The following SORL1 variants were observed in gnomAD, a reference collection of about 807,000 sequenced individuals.
The protein encoded by SORL1 is sortilin-related receptor.
Under a neutral mutation model 273.7 loss-of-function variants are expected in SORL1, and 127 were observed. The observed-to-expected ratio is 0.46, with a 90% CI of 0.40 to 0.54. The LOEUF is 0.54. Among genes scored for constraint, SORL1 ranks in the 20% least tolerant of loss-of-function variants. SORL1 has a pLI of 0.00. For synonymous variants in SORL1, 1,031 were observed against 1,067.4 expected (o/e 0.97, Z 0.66); for missense variants, 2,494 against 2,846.1 (o/e 0.88, Z 2.81).
intron 9 of SORL1, among the ~76,000 whole-genome samples, chr11:121,521,089 C>T (rs1029915653): frequency 1.7e-4 from 26 of 149,850 alleles, no homozygotes; most frequent in African/African-American, 5.4e-4. Context: ...AAGTAGTATT[C>T]GTTTTTAGTA....
chr11:121,571,220 G>A (rs913470966), intron 23 of SORL1, among the ~76,000 whole-genome samples: 35 of 152,244 alleles, frequency 2.3e-4, no homozygotes, highest in African/African-American at 7.5e-4. Flanking sequence ...AAGAGCTCTG[G>A]AGAGTGTCTG....
At position 121,566,811 on chromosome 11, in the gene SORL1, C is replaced by A; in HGVS notation, c.3050-129C>A. 2.3e-6 allele frequency: 2 copies of A among 863,954 alleles called. 1 individual carries two copies. The highest frequency in any genetic ancestry group is 7.1e-4 in the Middle Eastern group (2 of 2,798). The allele number at this position is 863,954 out of a possible 1,614,324, so 53.5% of individuals were successfully genotyped here. ...ACAGTAGGCGCCCCAAAGCTTGCCA[C>A]TTGACCCTTGAGAGCTTCTCGCTGT... On this transcript the variant is annotated intron_variant, in intron 21 of 47. Transcript: ENST00000260197.
At chr11:121,478,612 G>T (rs1349731803) in intron 3 of SORL1, among the ~76,000 whole-genome samples, 1 of 152,196 alleles carries the variant, frequency 6.6e-6, no homozygotes, top group Non-Finnish European at 1.5e-5. Context: ...CTATCAGTGT[G>T]TCTGCTTGCG....
In SORL1 at chr11:121,452,597, C is replaced by T; in HGVS notation, c.266C>T (p.Pro89Leu). The T allele has an allele frequency of 6.6e-7, 1 of 1,519,112 alleles. No homozygotes were observed. Among genetic ancestry groups the T allele is most frequent in the Non-Finnish European group, 8.8e-7 (1 of 1,141,128 alleles). The allele number at this position is 1,519,112 out of a possible 1,614,324, so 94.1% of individuals were successfully genotyped here. ...CGGAGCGCTGCCCTGCAGCCCGAGC[C>T]CATCAAGGTGTACGGACAGGTGAGC... ...RKRSAALQPE[P>L]IKVYGQVSLN... Residue 89 changes from proline (P) to leucine (L), a missense_variant, in exon 1 of 48, where the codon CCC (proline) becomes CTC (leucine). Physicochemically the swap from Pro to Leu is moderately conservative, Grantham distance 98. Around this residue, in one of 3 missense-constraint regions of SORL1, gnomAD observed 175 missense variants for 147.1 expected, o/e 1.19. Coordinates refer to ENST00000260197, the MANE Select transcript of SORL1 (RefSeq NM_003105.6). This position sits in a 1 kb window ranked among gnomAD's most constrained non-coding sequence, Gnocchi z 5.3.
chr11:121,591,049 C>G lies in SORL1; in HGVS notation c.4262C>G (p.Pro1421Arg). Residue 1421 changes from proline to arginine, a missense_variant, in exon 31 of 48, where the codon CCC (proline) becomes CGC (arginine). Physicochemically the swap from Pro to Arg is moderately radical, Grantham distance 103. Coordinates refer to ENST00000260197, the MANE Select transcript of SORL1 (RefSeq NM_003105.6). ...ACTCCTGGGCCCTCCACGTGTCTGC[C>G]CAATTACTACCGCTGCAGCAGTGGG... is the stretch of plus-strand genomic sequence containing the variant. Reference protein sequence around the residue: ...FSTPGPSTCLPNYYRCSSGTC... With the variant: ...FSTPGPSTCLRNYYRCSSGTC... 5 of 1,614,228 alleles carry G rather than the reference C, an allele frequency of 3.1e-6. No individual in the cohort carries two copies. Among genetic ancestry groups the G allele is most frequent in the Non-Finnish European group, 4.2e-6 (5 of 1,180,038 alleles).
At chr11:121,557,523 C>A in intron 19 of SORL1, 118 bp downstream of exon 19, 1 of 785,506 alleles carries the variant, frequency 1.3e-6, no homozygotes, top group South Asian at 1.6e-5. Context: ...TTGAAATGGT[C>A]TATTAACTGA....
Position 121,452,642 on chromosome 11 carries a change from C to A in SORL1, c.285+26C>A, listed in dbSNP as rs527693108. 8.0e-5 allele frequency: 115 copies of A among 1,431,728 alleles called. 2 individuals are homozygous for A. In the South Asian group the frequency reaches 1.4e-3, roughly 18 times the overall value. 88.7% of individuals were successfully genotyped at this position (1,431,728 alleles called of 1,614,324 possible). On this transcript the variant is annotated intron_variant, in intron 1 of 47. Transcript: ENST00000260197. This position sits in a 1 kb window ranked among gnomAD's most constrained non-coding sequence, Gnocchi z 5.3. ...GTGAGCAGTTTTGCAACCCGCCTCCCTCCAGTTTTTTCCTCTCCCTGCACT... is the reference window on the plus strand; with the variant it reads ...GTGAGCAGTTTTGCAACCCGCCTCCATCCAGTTTTTTCCTCTCCCTGCACT...
intron 42 of SORL1, among the ~76,000 whole-genome samples, chr11:121,619,160 G>A (rs1218453242): frequency 1.3e-5 from 2 of 152,154 alleles, no homozygotes; most frequent in African/African-American, 2.4e-5. Flanking sequence ...TTTTTATCAG[G>A]TTCCACTTCT....
At chr11:121,540,361 A>G (rs983434801) in intron 12 of SORL1, among the ~76,000 whole-genome samples, 10 of 151,968 alleles carry the variant, frequency 6.6e-5, no homozygotes, top group African/African-American at 2.4e-4. Context: ...CTAGTGCCCT[A>G]TATCCTCTTT....
chr11:121,554,255 G>A lies in SORL1; in HGVS notation c.2439+146G>A, dbSNP rs1319259258. ...CAGGGCTGACAGGTGAAAGTTTCCA[G>A]TCTTCTGTGTTAGTATTTTTCTTTC... On this transcript the variant is annotated intron_variant, in intron 17 of 47. Coordinates refer to ENST00000260197, the MANE Select transcript of SORL1 (RefSeq NM_003105.6). The surrounding 1 kb of genome is among the most constrained non-coding windows in gnomAD (Gnocchi z 4.6). 8 of 676,980 alleles carry A rather than the reference G, an allele frequency of 1.2e-5. 1 individual carries two copies. The Admixed American group carries it at 2.5e-4, about 21-fold the overall frequency. 41.9% of individuals were successfully genotyped at this position (676,980 alleles called of 1,614,324 possible). A position where few individuals can be genotyped will look rare whatever the true frequency, so the allele number is the denominator to read the frequency against.
Position 121,514,152 on chromosome 11 carries a change from G to A in SORL1, c.1042G>A (p.Glu348Lys), listed in dbSNP as rs149041363. ...AQFVTRHPINEYYIADASEDQ... is the reference protein window; with the variant it reads ...AQFVTRHPINKYYIADASEDQ... ...TCTTTTTTGACTTTTGATTCCAAAG[G>A]AATATTACATCGCAGATGCCTCCGA... is the stretch of plus-strand genomic sequence containing the variant. The change falls in exon 8 of 48, where the codon GAA (glutamate) becomes AAA (lysine). Residue 348 changes from glutamate (E) to lysine (K), a missense_variant and splice_region_variant. Transcript: ENST00000260197. 5.6e-6 allele frequency: 9 copies of A among 1,611,906 alleles called. No homozygotes were observed. The highest frequency in any genetic ancestry group is 5.5e-5 in the South Asian group (5 of 90,652).
intron 12 of SORL1, among the ~76,000 whole-genome samples, chr11:121,533,397 G>T (rs1198486128): frequency 1.3e-5 from 2 of 152,170 alleles, no homozygotes; most frequent in South Asian, 4.1e-4. Context: ...TTTCGATTGC[G>T]TCCTACATTC....
chr11:121,548,603 G>T (rs1862466391), intron 14 of SORL1, among the ~76,000 whole-genome samples: 1 of 152,166 alleles, frequency 6.6e-6, no homozygotes, highest in Admixed American at 6.5e-5. Context: ...GTCTCACTCT[G>T]TCACCCATGC....
chr11:121,477,801 A>AGG (rs1351677761), intron 2 of SORL1, among the ~76,000 whole-genome samples: 1 of 152,128 alleles, frequency 6.6e-6, no homozygotes, highest in Non-Finnish European at 1.5e-5. Context: ...AGGCCAAGGC[A>AGG]GGCGGATCAC....
At chr11:121,544,984 T>C (rs567771108) in intron 13 of SORL1, among the ~76,000 whole-genome samples, 1 of 152,218 alleles carries the variant, frequency 6.6e-6, no homozygotes, top group Non-Finnish European at 1.5e-5. Flanking sequence ...TCTTCTGTAA[T>C]GTTTCGGAAA....
At chr11:121,544,373 C>T (rs768167285) in intron 13 of SORL1, among the ~76,000 whole-genome samples, 9 of 152,146 alleles carry the variant, frequency 5.9e-5, no homozygotes, top group African/African-American at 1.2e-4. Context: ...AACCAGAAGA[C>T]GTCTCCCTTC....
At chr11:121,617,268 G>C (rs1342215801) in intron 41 of SORL1, among the ~76,000 whole-genome samples, 2 of 152,202 alleles carry the variant, frequency 1.3e-5, no homozygotes, top group African/African-American at 4.8e-5. Flanking sequence ...AGATGCGAAG[G>C]TTCCCCCACA....
chr11:121,467,564 C>T (rs529462385), intron 1 of SORL1, among the ~76,000 whole-genome samples: 6 of 151,990 alleles, frequency 3.9e-5, no homozygotes, highest in African/African-American at 1.4e-4. Flanking sequence ...GTTCCTAGTC[C>T]TTTATTGTAT....
At position 121,545,353 on chromosome 11, in the gene SORL1, A is replaced by G. The variant is rs752498470; in HGVS notation, c.1975A>G (p.Thr659Ala). ...TVFKRRTPHA[T>A]CFNGEDFDRP... ...TTTCAAACGGCGGACCCCCCATGCC[A>G]CATGCTTCAATGGAGAGGACTTTGA... The change falls in exon 14 of 48, where the codon ACA becomes GCA. Residue 659 changes from threonine to alanine, a missense_variant. By Grantham distance (58) the Thr-to-Ala change is moderately conservative. Around this residue, in one of 3 missense-constraint regions of SORL1, gnomAD observed 710 missense variants for 882.5 expected, o/e 0.80. Transcript: ENST00000260197. 3.5e-5 allele frequency: 57 copies of G among 1,614,078 alleles called. 1 individual carries two copies. The South Asian group carries it at 6.1e-4, about 17-fold the overall frequency.
Sources: gnomAD v4.1 joint callset for allele counts (sites outside exome capture counted in the v4.1 genomes callset) on GRCh38, gnomAD v4.1.1 for gene constraint, gnomAD v4.1.1 regional missense constraint, Gnocchi (gnomAD v3.1) non-coding constraint, MANE v1.5 for transcripts, NCBI Gene and HGNC (gene_info 2026-07-23, HGNC 2026-07-21) for gene names.